Variants in DSCAM observed in about 807,000 individuals in gnomAD.
DSCAM encodes DS cell adhesion molecule.
A neutral mutation model predicts 217.7 loss-of-function variants in DSCAM; 47 were observed. The ratio of observed to expected loss-of-function variants is 0.22; its 90% CI spans 0.17 to 0.28. The LOEUF (loss-of-function observed/expected upper bound fraction) is 0.28, where lower values mean the gene tolerates loss of function less well. Ranked by LOEUF, DSCAM falls within the 10% of genes least tolerant of loss-of-function variation. The probability of loss-of-function intolerance (pLI) is 1.00; values close to 1 mark genes in which losing one functional copy is unlikely to be tolerated. For synonymous variants in DSCAM, 1,056 were observed against 1,015.3 expected (o/e 1.04, Z -0.76); for missense variants, 2,080 against 2,618.3 (o/e 0.79, Z 4.49).
At chr21:40,188,022 A>C (rs779402656) in intron 12 of DSCAM, 35 bp from the exon 13 acceptor site, 1 of 1,558,724 alleles carries the variant, frequency 6.4e-7, no homozygotes, top group East Asian at 2.2e-5. Flanking sequence ...CATCTTTTTC[A>C]GTAGGCAAAA....
At chr21:40,436,092 A>T (rs1355573423) in intron 3 of DSCAM, among the ~76,000 whole-genome samples, 1 of 152,208 alleles carries the variant, frequency 6.6e-6, no homozygotes, top group African/African-American at 2.4e-5. Flanking sequence ...GGCATATTAA[A>T]TGCATTTTCA....
At chr21:40,481,993 G>A (rs1368416140) in intron 3 of DSCAM, among the ~76,000 whole-genome samples, 1 of 152,220 alleles carries the variant, frequency 6.6e-6, no homozygotes, top group African/African-American at 2.4e-5. Context: ...CCAGTTGAGT[G>A]TGAAACCAGA....
chr21:40,258,782 TCTC>T (rs1337609126), intron 11 of DSCAM, among the ~76,000 whole-genome samples: 1 of 152,220 alleles, frequency 6.6e-6, no homozygotes, highest in Non-Finnish European at 1.5e-5. Context: ...CTTCTTTTGT[TCTC>T]CTCTCTCTTT....
chr21:40,480,875 T>C (rs2075976313), intron 3 of DSCAM, among the ~76,000 whole-genome samples: 2 of 152,224 alleles, frequency 1.3e-5, no homozygotes, highest in Admixed American at 1.3e-4. Context: ...TTTTCTCTGA[T>C]GCAATCAGAA....
intron 1 of DSCAM, among the ~76,000 whole-genome samples, chr21:40,824,198 C>T (rs533280367): frequency 5.3e-5 from 8 of 152,120 alleles, no homozygotes; most frequent in Middle Eastern, 3.4e-3. Context: ...CATCTCACCC[C>T]GGCACCGTGG....
intron 28 of DSCAM, among the ~76,000 whole-genome samples, chr21:40,057,855 A>G (rs2146509764): frequency 6.7e-6 from 1 of 150,320 alleles, no homozygotes; most frequent in South Asian, 2.1e-4. Flanking sequence ...CAGTGATGCA[A>G]TCACAGTTCA....
chr21:40,714,864 T>C (rs2090824913), intron 1 of DSCAM, among the ~76,000 whole-genome samples: 1 of 152,238 alleles, frequency 6.6e-6, no homozygotes, highest in African/African-American at 2.4e-5. Flanking sequence ...TGAAATTTAA[T>C]CACCAGGGTA....
At chr21:40,349,774 A>G (rs2074608740) in intron 5 of DSCAM, among the ~76,000 whole-genome samples, 1 of 152,228 alleles carries the variant, frequency 6.6e-6, no homozygotes, top group Admixed American at 6.5e-5. Flanking sequence ...TTTAAAGGTC[A>G]GAAAGTGCTG....
intron 8 of DSCAM, among the ~76,000 whole-genome samples, chr21:40,318,728 G>A (rs1380708073): frequency 6.6e-6 from 1 of 152,184 alleles, no homozygotes; most frequent in African/African-American, 2.4e-5. Flanking sequence ...TATGATGAGG[G>A]AGTGATAAGG....
At chr21:40,746,553 C>T (rs1225957004) in intron 1 of DSCAM, among the ~76,000 whole-genome samples, 22 of 151,698 alleles carry the variant, frequency 1.5e-4, no homozygotes, top group Admixed American at 1.4e-3. Context: ...ATTTGAGACC[C>T]TCAAATATGT....
chr21:40,775,729 C>A (rs896190769), intron 1 of DSCAM, among the ~76,000 whole-genome samples: 1 of 152,130 alleles, frequency 6.6e-6, no homozygotes, highest in African/African-American at 2.4e-5. Context: ...GACACATCGT[C>A]GGCATCCCTG....
chr21:40,499,908 G>A (rs2076157876), intron 3 of DSCAM, among the ~76,000 whole-genome samples: 1 of 152,108 alleles, frequency 6.6e-6, no homozygotes, highest in Non-Finnish European at 1.5e-5. Flanking sequence ...AGCCTCCTGA[G>A]TAGCTGGGAC....
At position 40,520,537 on chromosome 21, in the gene DSCAM, G is replaced by A. The variant is rs141582020; in HGVS notation, c.509-151292C>T. ...AGTTATGTAGTGTGTGGCCGGGCAC[G>A]GTGGCTCACACCTGTAATCCCAGCA... On this transcript the variant is annotated intron_variant, in intron 3 of 32. Coordinates refer to ENST00000400454, the MANE Select transcript of DSCAM (RefSeq NM_001389.5). Among the ~76,000 whole-genome samples, 1,468 of 152,180 alleles carry A rather than the reference G, an allele frequency of 9.6e-3. 31 individuals are homozygous for A. The highest frequency in any genetic ancestry group is 0.032 in the African/African-American group (1,334 of 41,524).
chr21:40,772,805 G>A (rs1383488778), intron 1 of DSCAM, among the ~76,000 whole-genome samples: 1 of 152,210 alleles, frequency 6.6e-6, no homozygotes, highest in African/African-American at 2.4e-5. Context: ...CCACCATTAT[G>A]GACCAGGGCC....
intron 11 of DSCAM, among the ~76,000 whole-genome samples, chr21:40,252,793 G>C (rs1213277499): frequency 1.3e-5 from 2 of 152,098 alleles, no homozygotes; most frequent in Admixed American, 6.6e-5. Flanking sequence ...CTTAAGTTCT[G>C]CTACTCTCAA....
chr21:40,583,902 C>A (rs2076924073), intron 3 of DSCAM, among the ~76,000 whole-genome samples: 1 of 86,738 alleles, frequency 1.2e-5, no homozygotes, highest in African/African-American at 4.0e-5. Flanking sequence ...AAAATAAAGT[C>A]TATTAAAAAA....
intron 3 of DSCAM, among the ~76,000 whole-genome samples, chr21:40,445,911 A>C (rs1301395846): frequency 6.6e-6 from 1 of 152,212 alleles, no homozygotes; most frequent in Non-Finnish European, 1.5e-5. Flanking sequence ...CTTCAATGCA[A>C]GGATCTTCAA....
intron 1 of DSCAM, among the ~76,000 whole-genome samples, chr21:40,824,106 A>G (rs766041107): frequency 6.6e-6 from 1 of 152,068 alleles, no homozygotes; most frequent in Non-Finnish European, 1.5e-5. Context: ...TCATGCTTGG[A>G]TCATCCCCAT....
At chr21:40,517,503 G>A (rs62225543) in intron 3 of DSCAM, among the ~76,000 whole-genome samples, 12,582 of 151,470 alleles carry the variant, frequency 0.083, 649 homozygotes, top group Middle Eastern at 0.16. Flanking sequence ...CATTGTTAGG[G>A]TCTCATTTTT....
Sources: allele counts gnomAD v4.1 joint callset (sites outside exome capture counted in the v4.1 genomes callset), GRCh38; gene constraint gnomAD v4.1.1; transcripts MANE v1.5; gene names NCBI Gene and HGNC (gene_info 2026-07-23, HGNC 2026-07-21).